The following ERC2 variants were observed in gnomAD, a reference collection of about 807,000 sequenced individuals.
ERC2 encodes ERC protein 2.
In ERC2, 42 loss-of-function variants were observed where a neutral mutation model predicts 114.8. That is an observed-to-expected ratio of 0.37 (90% CI 0.29 to 0.47). The LOEUF is 0.47. Ranked by LOEUF, ERC2 falls within the 20% of genes least tolerant of loss-of-function variation. The probability of loss-of-function intolerance (pLI) is 0.99; values close to 1 mark genes in which losing one functional copy is unlikely to be tolerated. For synonymous variants in ERC2, 454 were observed against 425.5 expected, an observed-to-expected ratio of 1.07 and a Z score of -0.82; for missense variants, 939 against 1,150.7, an observed-to-expected ratio of 0.82 and a Z score of 2.66.
At position 55,750,272 on chromosome 3, in the gene ERC2, TTACTA is replaced by T. The variant is rs558531846; in HGVS notation, c.2565-15359_2565-15355del. Among the ~76,000 whole-genome samples, 280 of 152,338 alleles carry T rather than the reference TTACTA, an allele frequency of 1.8e-3. 1 individual carries two copies. The highest frequency in any genetic ancestry group is 3.0e-3 in the Non-Finnish European group (206 of 68,030). On this transcript the variant is annotated intron_variant, in intron 14 of 17. Coordinates refer to ENST00000288221, the MANE Select transcript of ERC2 (RefSeq NM_015576.3). ...AAATTGTTAATAATTATTATTTTGA[TTACTA>T]TATGTATAAGCAAGGCATAAGTAAA...
intron 13 of ERC2, among the ~76,000 whole-genome samples, chr3:55,901,079 T>C (rs1227939954): frequency 6.6e-6 from 1 of 152,054 alleles, no homozygotes; most frequent in Non-Finnish European, 1.5e-5. Flanking sequence ...AGCAAGAAAA[T>C]CCCTGGCTCA....
At chr3:56,328,180 G>A (rs950840537) in intron 2 of ERC2, among the ~76,000 whole-genome samples, 11 of 152,128 alleles carry the variant, frequency 7.2e-5, no homozygotes, top group Non-Finnish European at 1.2e-4. Flanking sequence ...GCAGAAGACC[G>A]AAATTTGGTT....
At chr3:56,409,099 T>C (rs550501134) in intron 2 of ERC2, among the ~76,000 whole-genome samples, 1 of 152,330 alleles carries the variant, frequency 6.6e-6, no homozygotes, top group East Asian at 1.9e-4. Flanking sequence ...TGAGGCACCA[T>C]GCCTGCTCGC....
chr3:56,303,328 C>G (rs1413732825), intron 2 of ERC2, among the ~76,000 whole-genome samples: 2 of 152,280 alleles, frequency 1.3e-5, no homozygotes, highest in Non-Finnish European at 2.9e-5. Flanking sequence ...AAGACTAGCC[C>G]CATCTCCAGT....
intron 3 of ERC2, among the ~76,000 whole-genome samples, chr3:56,233,280 G>A (rs1004151899): frequency 6.6e-6 from 1 of 152,268 alleles, no homozygotes; most frequent in Non-Finnish European, 1.5e-5. Context: ...TATTGCTGCT[G>A]TTACAAATTA....
chr3:55,588,754 T>C (rs1475395867), intron 17 of ERC2, among the ~76,000 whole-genome samples: 1 of 151,990 alleles, frequency 6.6e-6, no homozygotes, highest in Non-Finnish European at 1.5e-5. Flanking sequence ...CACAAAGGGA[T>C]CCAGAGATGC....
intron 6 of ERC2, among the ~76,000 whole-genome samples, chr3:56,132,784 C>A (rs1048631260): frequency 6.6e-6 from 1 of 152,054 alleles, no homozygotes; most frequent in Non-Finnish European, 1.5e-5. Context: ...ACATAGTGTG[C>A]ATGCATATAT....
chr3:56,462,008 T>C (rs944397416), intron 1 of ERC2, among the ~76,000 whole-genome samples: 1 of 152,168 alleles, frequency 6.6e-6, no homozygotes, highest in Non-Finnish European at 1.5e-5. Context: ...AATAAGTCCA[T>C]GGACAGAATC....
At chr3:55,997,922 G>GTTTTTT (rs1559997200) in intron 10 of ERC2, among the ~76,000 whole-genome samples, 1 of 36,106 alleles carries the variant, frequency 2.8e-5, no homozygotes, top group Admixed American at 4.2e-4. Context: ...GTGTGTGTGT[G>GTTTTTT]TTTTTTGTTT....
At chr3:55,835,688 G>T (rs2060843567) in intron 14 of ERC2, among the ~76,000 whole-genome samples, 1 of 152,080 alleles carries the variant, frequency 6.6e-6, no homozygotes, top group South Asian at 2.1e-4. Context: ...TTTGAAAACT[G>T]GCACAAGACA....
At chr3:56,148,292 C>CT (rs898847095) in intron 5 of ERC2, among the ~76,000 whole-genome samples, 91 of 148,492 alleles carry the variant, frequency 6.1e-4, no homozygotes, top group East Asian at 6.1e-3. Context: ...AGCTTAATAA[C>CT]TTTTTTTTTT....
At chr3:55,656,121 T>C (rs941199944) in intron 17 of ERC2, among the ~76,000 whole-genome samples, 2 of 151,934 alleles carry the variant, frequency 1.3e-5, no homozygotes, top group Non-Finnish European at 2.9e-5. Context: ...TTTATTTATT[T>C]ATTTTTCTGA....
chr3:55,587,279 G>A (rs1353667152), intron 17 of ERC2, among the ~76,000 whole-genome samples: 3 of 152,010 alleles, frequency 2.0e-5, no homozygotes, highest in Admixed American at 1.3e-4. Context: ...TCAGCCTCCC[G>A]AGTACCTGAG....
At chr3:55,683,213 C>T (rs2062145228) in intron 17 of ERC2, among the ~76,000 whole-genome samples, 1 of 152,202 alleles carries the variant, frequency 6.6e-6, no homozygotes, top group Non-Finnish European at 1.5e-5. Flanking sequence ...TAAAGAGTTA[C>T]AGTTACCCAT....
chr3:55,887,364 T>C (rs1559818108), intron 14 of ERC2, among the ~76,000 whole-genome samples: 1 of 152,208 alleles, frequency 6.6e-6, no homozygotes, highest in South Asian at 2.1e-4. Context: ...ATTCCAATAT[T>C]TTCCATGATC....
At chr3:56,219,619 C>T (rs1046803125) in intron 3 of ERC2, among the ~76,000 whole-genome samples, 1 of 149,054 alleles carries the variant, frequency 6.7e-6, no homozygotes, top group South Asian at 2.1e-4. Context: ...CAGAAACTGC[C>T]TCTTTACAGG....
intron 14 of ERC2, among the ~76,000 whole-genome samples, chr3:55,752,153 C>T (rs2066744278): frequency 6.6e-6 from 1 of 152,168 alleles, no homozygotes; most frequent in African/African-American, 2.4e-5. Context: ...CCACCTAGGT[C>T]AATCAGTTAT....
intron 1 of ERC2, among the ~76,000 whole-genome samples, chr3:56,448,495 C>T (rs1279644213): frequency 6.6e-6 from 1 of 152,092 alleles, no homozygotes; most frequent in Non-Finnish European, 1.5e-5. Flanking sequence ...GGAAGGCCTG[C>T]CCCCCACACC....
chr3:55,600,774 T>C (rs945241586), intron 17 of ERC2, among the ~76,000 whole-genome samples: 4 of 152,216 alleles, frequency 2.6e-5, no homozygotes, highest in Non-Finnish European at 4.4e-5. Flanking sequence ...CTTTGGAAGT[T>C]GTCTGTGTGG....
Sources: allele counts gnomAD v4.1 joint callset (sites outside exome capture counted in the v4.1 genomes callset), GRCh38; gene constraint gnomAD v4.1.1; transcripts MANE v1.5; gene names NCBI Gene and HGNC (gene_info 2026-07-23, HGNC 2026-07-21).